Variants in IGSF5 observed in about 807,000 individuals in gnomAD.
The protein encoded by IGSF5 is immunoglobulin superfamily member 5.
Under a neutral mutation model 39.4 loss-of-function variants are expected in IGSF5, and 41 were observed. That is an observed-to-expected ratio of 1.04 (90% CI 0.81 to 1.35). The LOEUF is 1.35. Ranked by LOEUF, IGSF5 falls within the 40% of genes most tolerant of loss-of-function variation. IGSF5 has a pLI of 0.00. For synonymous variants in IGSF5, 183 were observed against 175.3 expected (o/e 1.04, Z -0.34); for missense variants, 487 against 494.6 (o/e 0.98, Z 0.15).
intron 4 of IGSF5, among the ~76,000 whole-genome samples, chr21:39,775,386 G>A (rs777653601): frequency 8.5e-5 from 13 of 152,164 alleles, no homozygotes; most frequent in South Asian, 6.2e-4. Flanking sequence ...CTCTTGTGTC[G>A]CCTCTAGTGG....
In IGSF5 at chr21:39,797,758, C is replaced by T. The variant is rs143938286; in HGVS notation, c.1129-3504C>T. ...CTGTTCTTAAACTCTTGGCCTGAAG[C>T]GATTCTCCCACATGGGCCTCCCAAA... is the stretch of plus-strand genomic sequence containing the variant. On this transcript the variant is annotated intron_variant, in intron 8 of 8. Coordinates refer to ENST00000380588, the MANE Select transcript of IGSF5 (RefSeq NM_001080444.2). Among the ~76,000 whole-genome samples, 262 of 152,174 alleles carry T rather than the reference C, an allele frequency of 1.7e-3. 3 individuals are homozygous for T. Among genetic ancestry groups the T allele is most frequent in the African/African-American group, 6.0e-3 (249 of 41,512 alleles).
intron 2 of IGSF5, among the ~76,000 whole-genome samples, chr21:39,748,457 C>T (rs8132074): frequency 0.098 from 14,871 of 151,844 alleles, 2,361 homozygotes; most frequent in African/African-American, 0.34. Context: ...ACTACAGGCA[C>T]GTGCCATCAC....
intron 6 of IGSF5, among the ~76,000 whole-genome samples, chr21:39,788,508 T>C (rs2086938508): frequency 2.0e-5 from 3 of 152,266 alleles, no homozygotes; most frequent in Middle Eastern, 3.4e-3. Flanking sequence ...ATGACTATCA[T>C]CCCGCCTGCT....
At chr21:39,717,703 C>A in the IGSF5 span, among the ~76,000 whole-genome samples, 1 of 152,146 alleles carries the variant, frequency 6.6e-6, no homozygotes, top group Non-Finnish European at 1.5e-5. Flanking sequence ...GGTCTATATG[C>A]CTGTTTTTGT....
At position 39,746,233 on chromosome 21, in the gene IGSF5, T is replaced by C. The variant is rs748339918; in HGVS notation, c.35T>C (p.Leu12Pro). The change falls in exon 2 of 9, where the codon CTG becomes CCG. Residue 12 changes from leucine to proline, a missense_variant. Leu to Pro is a moderately conservative substitution (Grantham distance 98). Transcript: ENST00000380588. The stretch of plus-strand genomic sequence containing the variant: ...TGGATCAGGAGCACAGCAGATACTC[T>C]GCCGGATCTGGAGGAATGGAAGTCA... ...GQKERSTADT[L>P]PDLEEWKSAA... is the part of the protein sequence containing the mutation. 1.4e-5 allele frequency: 10 copies of C among 701,776 alleles called. No homozygotes were observed. The highest frequency in any genetic ancestry group is 2.3e-5 in the Non-Finnish European group (9 of 384,788). 43.5% of individuals were successfully genotyped at this position (701,776 alleles called of 1,614,324 possible).
the IGSF5 span, among the ~76,000 whole-genome samples, chr21:39,734,493 A>G: frequency 6.6e-6 from 1 of 150,690 alleles, no homozygotes; most frequent in South Asian, 2.1e-4. Context: ...TCATTATAAT[A>G]TCATACAGAA....
chr21:39,792,193 C>G, intron 7 of IGSF5, 94 bp downstream of exon 7: 1 of 730,638 alleles, frequency 1.4e-6, no homozygotes, highest in Middle Eastern at 2.4e-4. Flanking sequence ...GGGAGGCTAA[C>G]TTGGCAATGG....
the IGSF5 span, among the ~76,000 whole-genome samples, chr21:39,724,962 A>G: frequency 1.3e-5 from 2 of 152,224 alleles, no homozygotes; most frequent in Non-Finnish European, 2.9e-5. Context: ...GCTGCAACGA[A>G]TCCTGATACA....
At chr21:39,752,161 C>T (rs749574983) in intron 2 of IGSF5, among the ~76,000 whole-genome samples, 2 of 152,066 alleles carry the variant, frequency 1.3e-5, no homozygotes, top group African/African-American at 2.4e-5. Flanking sequence ...TCTTTTATCC[C>T]TCACCCCGTT....
At chr21:39,730,952 G>C in the IGSF5 span, among the ~76,000 whole-genome samples, 23 of 152,292 alleles carry the variant, frequency 1.5e-4, no homozygotes, top group Admixed American at 3.9e-4. Flanking sequence ...TTAAAAGACT[G>C]TGCATGTTTT....
chr21:39,796,147 A>AATGGGCCC (rs1161514396), intron 8 of IGSF5, among the ~76,000 whole-genome samples: 1 of 152,124 alleles, frequency 6.6e-6, no homozygotes, highest in Non-Finnish European at 1.5e-5. Flanking sequence ...CCACAGTGGA[A>AATGGGCCC]AGGCTGGGCC....
At chr21:39,761,565 C>A (rs934126021) in intron 2 of IGSF5, among the ~76,000 whole-genome samples, 1 of 152,142 alleles carries the variant, frequency 6.6e-6, no homozygotes, top group East Asian at 1.9e-4. Context: ...TCAACAAGCA[C>A]AAATCAAATA....
chr21:39,746,446 C>T (rs1185753717), intron 2 of IGSF5, 148 bp downstream of exon 2: 4 of 560,880 alleles, frequency 7.1e-6, no homozygotes, highest in Non-Finnish European at 9.5e-6. Flanking sequence ...CTTTTTCTAT[C>T]TCTACTTTTT....
chr21:39,744,705 A>T (rs901457360), upstream of IGSF5, among the ~76,000 whole-genome samples: 1 of 152,262 alleles, frequency 6.6e-6, no homozygotes, highest in African/African-American at 2.4e-5. Flanking sequence ...TAATGGCCCC[A>T]TACTTTAAGA....
chr21:39,790,622 C>T (rs1234213167), intron 6 of IGSF5, among the ~76,000 whole-genome samples: 1 of 152,190 alleles, frequency 6.6e-6, no homozygotes, highest in Non-Finnish European at 1.5e-5. Flanking sequence ...CACACCACTG[C>T]ACTCCAACCT....
intron 2 of IGSF5, among the ~76,000 whole-genome samples, chr21:39,763,681 TC>T (rs555642134): frequency 6.6e-6 from 1 of 152,010 alleles, no homozygotes; most frequent in Non-Finnish European, 1.5e-5. Context: ...CACCCCATCA[TC>T]CCCACACTCA....
chr21:39,796,170 C>T (rs559904067), intron 8 of IGSF5, among the ~76,000 whole-genome samples: 1 of 152,146 alleles, frequency 6.6e-6, no homozygotes, highest in African/African-American at 2.4e-5. Context: ...GGGACACAGC[C>T]GTTCCCTTCC....
intron 6 of IGSF5, among the ~76,000 whole-genome samples, chr21:39,788,861 C>T (rs2086942207): frequency 1.3e-5 from 2 of 152,118 alleles, no homozygotes; most frequent in African/African-American, 4.8e-5. Flanking sequence ...GGTAATATAA[C>T]AACACATGTA....
At position 39,746,318 on chromosome 21, in the gene IGSF5, G is replaced by A. The variant is rs2079974558; in HGVS notation, c.100+20G>A. 2 of 700,842 alleles carry A rather than the reference G, an allele frequency of 2.9e-6. No individual in the cohort carries two copies. The highest frequency in any genetic ancestry group is 5.2e-6 in the Non-Finnish European group (2 of 384,468). 43.4% of individuals were successfully genotyped at this position (700,842 alleles called of 1,614,324 possible). A position where few individuals can be genotyped will look rare whatever the true frequency, so the allele number is the denominator to read the frequency against. ...TGGACGGTGAGTGAAAGCTCAGCTC[G>A]AGCCGTAACAAACACGGACCAGAAG... On this transcript the variant is annotated intron_variant, in intron 2 of 8. Coordinates refer to ENST00000380588, the MANE Select transcript of IGSF5 (RefSeq NM_001080444.2).
Sources: allele counts gnomAD v4.1 joint callset (sites outside exome capture counted in the v4.1 genomes callset), GRCh38; gene constraint gnomAD v4.1.1; transcripts MANE v1.5; gene names NCBI Gene and HGNC (gene_info 2026-07-23, HGNC 2026-07-21).